Variants in PRR3 observed in about 807,000 individuals in gnomAD.
PRR3 encodes proline-rich protein 3.
In PRR3, 16 loss-of-function variants were observed where a neutral mutation model predicts 22.4. That is an observed-to-expected ratio of 0.71 (90% CI 0.48 to 1.09). PRR3 has a LOEUF of 1.09. Among genes scored for constraint, PRR3 ranks in the 50% least tolerant of loss-of-function variants. PRR3 has a pLI of 0.00. For missense variants in PRR3, 224 were observed against 243.4 expected, an observed-to-expected ratio of 0.92 and a Z score of 0.53; for synonymous variants, 87 against 88.6, an observed-to-expected ratio of 0.98 and a Z score of 0.10.
upstream of PRR3, chr6:30,557,089 G>C (rs1800278497): frequency 2.8e-6 from 2 of 702,390 alleles, no homozygotes; most frequent in South Asian, 3.0e-5. Context: ...GGGAAGAAAA[G>C]AGTAATTTTT....
intron 2 of PRR3, chr6:30,560,091 A>C (rs1015230821): frequency 6.6e-6 from 1 of 152,332 alleles, no homozygotes; most frequent in Non-Finnish European, 1.5e-5. Flanking sequence ...GGGGCTGGGC[A>C]TGGTGCTTCA....
rs1476567675 is a variant in PRR3, at chr6:30,563,558, C to G, written c.*1063C>G. The G allele has an allele frequency of 6.6e-6, 1 of 152,260 alleles. No individual in the cohort carries two copies. The highest frequency in any genetic ancestry group is 1.5e-5 in the Non-Finnish European group (1 of 68,002). 9.4% of individuals were successfully genotyped at this position (152,260 alleles called of 1,614,324 possible). A position where few individuals can be genotyped will look rare whatever the true frequency, so the allele number is the denominator to read the frequency against. On this transcript the variant is annotated 3_prime_UTR_variant, in exon 4 of 4. Transcript: ENST00000376560. Reference sequence around the variant, plus strand: ...TGTTTTCTGTGAAAACAGCAGTGAACAGGTTCAGTTTTGAACTGGCCCTGA... The same window carrying G: ...TGTTTTCTGTGAAAACAGCAGTGAAGAGGTTCAGTTTTGAACTGGCCCTGA...
In PRR3 at chr6:30,561,739, G is replaced by C; in HGVS notation, c.170-95G>C. 1.0e-5 allele frequency: 12 copies of C among 1,173,352 alleles called. No individual in the cohort carries two copies. Among genetic ancestry groups the C allele is most frequent in the Non-Finnish European group, 1.4e-5 (12 of 856,006 alleles). The allele number at this position is 1,173,352 out of a possible 1,614,324, so 72.7% of individuals were successfully genotyped here. ...AAACTGGTGTGTCTTTATGTATGCT[G>C]TTCTTCAATAAAAAAAATTTTTTTA... On this transcript the variant is annotated intron_variant, in intron 2 of 3. Transcript: ENST00000376560. This position sits in a 1 kb window ranked among gnomAD's most constrained non-coding sequence, Gnocchi z 4.0.
chr6:30,557,077 G>A (rs1463883762), upstream of PRR3: 4 of 702,190 alleles, frequency 5.7e-6, no homozygotes, highest in African/African-American at 1.7e-5. Flanking sequence ...GTTTTCCAGC[G>A]AGGGAAGAAA....
intron 1 of PRR3, 64 bp from the exon 2 acceptor site, chr6:30,558,086 C>G: frequency 1.5e-6 from 2 of 1,372,854 alleles, no homozygotes; most frequent in South Asian, 2.3e-5. Context: ...AGAAAAACAC[C>G]TAAGAACAGA....
upstream of PRR3, chr6:30,556,977 G>C (rs1287901314): frequency 1.6e-6 from 1 of 639,840 alleles, no homozygotes; most frequent in Non-Finnish European, 2.8e-6. The surrounding 1 kb of genome is among the most constrained non-coding windows in gnomAD (Gnocchi z 5.7). Flanking sequence ...ACCGGATGTG[G>C]CGATCTTACG....
chr6:30,559,787 ACTC>A (rs772008774), intron 2 of PRR3, among the ~76,000 whole-genome samples: 4 of 151,440 alleles, frequency 2.6e-5, no homozygotes, highest in Non-Finnish European at 2.9e-5. Flanking sequence ...TTACCCCAGA[ACTC>A]CTGCTTCCAG....
At chr6:30,557,244 A>G, upstream of PRR3, 2 of 894,882 alleles carry the variant, frequency 2.2e-6, no homozygotes, top group Non-Finnish European at 3.6e-6. Context: ...CGGGAGCCTC[A>G]GCATTGCTGC....
At position 30,561,823 on chromosome 6, in the gene PRR3, TC is replaced by T; in HGVS notation, c.170-10del. 1 of 1,528,554 alleles carries T rather than the reference TC, an allele frequency of 6.5e-7. No homozygotes were observed. The highest frequency in any genetic ancestry group is 8.8e-7 in the Non-Finnish European group (1 of 1,137,064). The allele number at this position is 1,528,554 out of a possible 1,614,324, so 94.7% of individuals were successfully genotyped here. A position where few individuals can be genotyped will look rare whatever the true frequency, so the allele number is the denominator to read the frequency against. The stretch of plus-strand genomic sequence containing the variant: ...ACACCTTTCTGTGTCTCTCTCTCTC[TC>T]TCTCTCCAGCTCTTCACAGAGGTCC... On this transcript the variant is annotated splice_polypyrimidine_tract_variant and intron_variant, in intron 2 of 3. Transcript: ENST00000376560. The surrounding 1 kb of genome is among the most constrained non-coding windows in gnomAD (Gnocchi z 4.0).
intron 1 of PRR3, among the ~76,000 whole-genome samples, 187 bp from the exon 2 acceptor site, chr6:30,557,963 G>A (rs892348310): frequency 4.6e-5 from 7 of 152,134 alleles, no homozygotes; most frequent in Non-Finnish European, 8.8e-5. Flanking sequence ...TCTACTTTTT[G>A]CAAACCCTGA....
upstream of PRR3, chr6:30,557,012 C>T (rs749167596): frequency 1.5e-6 from 1 of 686,192 alleles, no homozygotes; most frequent in Non-Finnish European, 2.7e-6. Context: ...TTCTCAGGCC[C>T]TCTGGCCCGA....
chr6:30,561,708 C>T lies in PRR3; in HGVS notation c.170-126C>T. ...TCTACTTTGTGAGAACTGGGTTGTGCACTTAAAACTGGTGTGTCTTTATGT... is the reference window on the plus strand; with the variant it reads ...TCTACTTTGTGAGAACTGGGTTGTGTACTTAAAACTGGTGTGTCTTTATGT... On this transcript the variant is annotated intron_variant, in intron 2 of 3. Transcript: ENST00000376560. This position sits in a 1 kb window ranked among gnomAD's most constrained non-coding sequence, Gnocchi z 4.0. 1 of 798,088 alleles carries T rather than the reference C, an allele frequency of 1.3e-6. No individual in the cohort carries two copies. The highest frequency in any genetic ancestry group is 1.9e-6 in the Non-Finnish European group (1 of 519,228). The allele number at this position is 798,088 out of a possible 1,614,324, so 49.4% of individuals were successfully genotyped here.
chr6:30,562,633 C>T lies in PRR3; in HGVS notation c.*138C>T. On this transcript the variant is annotated 3_prime_UTR_variant, in exon 4 of 4. Coordinates refer to ENST00000376560, the MANE Select transcript of PRR3 (RefSeq NM_025263.4). ...GACACACCCATCCCATCCACCACTT[C>T]CCCCGTGTGGGGTCCAGAGTGGTGT... 3.2e-6 allele frequency: 2 copies of T among 634,120 alleles called. No homozygotes were observed. The highest frequency in any genetic ancestry group is 5.6e-6 in the Non-Finnish European group (2 of 358,944). 39.3% of individuals were successfully genotyped at this position (634,120 alleles called of 1,614,324 possible). A position where few individuals can be genotyped will look rare whatever the true frequency, so the allele number is the denominator to read the frequency against.
In PRR3 at chr6:30,562,451, C is replaced by T; in HGVS notation, c.523C>T (p.Leu175Phe). ...AKKGHCRYED[L>F]CAFYHPGVNG... is the part of the protein sequence containing the mutation. ...AAAGGGCCACTGTCGATATGAGGACCTCTGTGCCTTCTACCATCCAGGCGT... is the reference window on the plus strand; with the variant it reads ...AAAGGGCCACTGTCGATATGAGGACTTCTGTGCCTTCTACCATCCAGGCGT... The change falls in exon 4 of 4, where the codon CTC becomes TTC. Residue 175 changes from leucine (L) to phenylalanine (F), a missense_variant. Coordinates refer to ENST00000376560, the MANE Select transcript of PRR3 (RefSeq NM_025263.4). 1 of 1,614,110 alleles carries T rather than the reference C, an allele frequency of 6.2e-7. No homozygotes were observed. Among genetic ancestry groups the T allele is most frequent in the Non-Finnish European group, 8.5e-7 (1 of 1,179,932 alleles).
At position 30,557,433 on chromosome 6, in the gene PRR3, A is replaced by C; in HGVS notation, c.89A>C (p.Glu30Ala). 6.2e-7 allele frequency: 1 copy of C among 1,610,962 alleles called. No individual in the cohort carries two copies. The highest frequency in any genetic ancestry group is 8.5e-7 in the Non-Finnish European group (1 of 1,178,906). ...GAGCGGGAAGAGACTGGAGATGAGGAGGATGGGAGTCCCATCGGTGAGGGG... is the reference window on the plus strand; with the variant it reads ...GAGCGGGAAGAGACTGGAGATGAGGCGGATGGGAGTCCCATCGGTGAGGGG... ...LPEREETGDE[E>A]DGSPIGPPSL... Residue 30 changes from glutamate (E) to alanine (A), a missense_variant, in exon 1 of 4, where the codon GAG (glutamate) becomes GCG (alanine). Coordinates refer to ENST00000376560, the MANE Select transcript of PRR3 (RefSeq NM_025263.4).
In PRR3 at chr6:30,561,551, A is replaced by C; in HGVS notation, c.170-283A>C. The C allele has an allele frequency of 1.6e-6, 1 of 610,600 alleles. No homozygotes were observed. Among genetic ancestry groups the C allele is most frequent in the South Asian group, 1.9e-5 (1 of 53,510 alleles). The allele number at this position is 610,600 out of a possible 1,614,324, so 37.8% of individuals were successfully genotyped here. Reference sequence around the variant, plus strand: ...TGAAGTTCAAAAACAGGCAAAAACTAACCTATGGTGTCAGGATAGTGGTTA... The same window carrying C: ...TGAAGTTCAAAAACAGGCAAAAACTCACCTATGGTGTCAGGATAGTGGTTA... On this transcript the variant is annotated intron_variant, in intron 2 of 3. Transcript: ENST00000376560. This position sits in a 1 kb window ranked among gnomAD's most constrained non-coding sequence, Gnocchi z 4.0.
chr6:30,557,267 C>A, upstream of PRR3: 1 of 1,132,528 alleles, frequency 8.8e-7, no homozygotes, highest in Non-Finnish European at 1.3e-6. Context: ...ACCGACCCCC[C>A]GGAAGCGGAA....
chr6:30,557,145 C>G (rs1443545372), upstream of PRR3: 7 of 702,944 alleles, frequency 1.0e-5, no homozygotes, highest in Admixed American at 1.2e-4. Context: ...GTGAGGTTGC[C>G]GCCATGCCTG....
At chr6:30,560,016 A>T (rs1032518477) in intron 2 of PRR3, 1 of 152,234 alleles carries the variant, frequency 6.6e-6, no homozygotes, top group Non-Finnish European at 1.5e-5. Context: ...AACTTTGAGG[A>T]CTTTATGTTA....
Sources: allele counts gnomAD v4.1 joint callset (sites outside exome capture counted in the v4.1 genomes callset), GRCh38; gene constraint gnomAD v4.1.1; non-coding constraint Gnocchi (gnomAD v3.1); transcripts MANE v1.5; gene names NCBI Gene and HGNC (gene_info 2026-07-23, HGNC 2026-07-21).